Variants in ATP5MC2 observed in about 807,000 individuals in gnomAD.
The protein encoded by ATP5MC2 is ATP synthase F(0) complex subunit C2, mitochondrial.
ATP5MC2 carries 11 observed loss-of-function variants against 13.5 expected under a neutral mutation model. The ratio of observed to expected loss-of-function variants is 0.81; its 90% confidence interval spans 0.51 to 1.35. The LOEUF is 1.35. Ranked by LOEUF, ATP5MC2 falls within the 40% of genes most tolerant of loss-of-function variation. The probability of loss-of-function intolerance (pLI) is 0.00; values close to 1 mark genes in which losing one functional copy is unlikely to be tolerated. For missense variants in ATP5MC2, 132 were observed against 175.0 expected, an observed-to-expected ratio of 0.75 and a Z score of 1.39; for synonymous variants, 64 against 69.7, an observed-to-expected ratio of 0.92 and a Z score of 0.41.
chr12:53,678,841 C>A (rs1945323508), upstream of ATP5MC2, among the ~76,000 whole-genome samples: 1 of 152,038 alleles, frequency 6.6e-6, no homozygotes, highest in Non-Finnish European at 1.5e-5. Flanking sequence ...CCAATCAGTC[C>A]CTTTCTTTTC....
rs188131057 is a variant in ATP5MC2, at chr12:53,672,171, G to A, written c.39+405C>T. 3.8e-3 allele frequency among the ~76,000 whole-genome samples: 573 copies of A among 150,280 alleles called. 2 individuals are homozygous for A. The highest frequency in any genetic ancestry group is 0.01 in the Middle Eastern group (3 of 288). On this transcript the variant is annotated intron_variant, in intron 2 of 4. Coordinates refer to ENST00000394349, the MANE Select transcript of ATP5MC2 (RefSeq NM_005176.7). The stretch of plus-strand genomic sequence containing the variant: ...GCAAGCATTCACTCTATCCTGTTAC[G>A]CAATCATAGCAGAGGGCCTTCCCTC...
chr12:53,675,768 G>A (rs1323015302), intron 1 of ATP5MC2, among the ~76,000 whole-genome samples: 1 of 152,208 alleles, frequency 6.6e-6, no homozygotes, highest in Non-Finnish European at 1.5e-5. Flanking sequence ...AGTGTTTGCA[G>A]GGACTGGGTG....
At chr12:53,676,277 A>ACT (rs2120416605), upstream of ATP5MC2, 2 of 1,474,874 alleles carry the variant, frequency 1.4e-6, no homozygotes, top group Non-Finnish European at 1.8e-6. Context: ...GGGAGCGCCG[A>ACT]CTGCAGAAAT....
chr12:53,667,973 ATATATATATATATATATATATAAATT>A (rs1944976848), intron 4 of ATP5MC2, among the ~76,000 whole-genome samples: 1 of 50,990 alleles, frequency 2.0e-5, no homozygotes, highest in African/African-American at 1.1e-4. Flanking sequence ...ATATATATAT[ATATATATATATATATATATATAAATT>A]TTTTTTTTTT....
chr12:53,671,949 C>A (rs1182308586), intron 2 of ATP5MC2, among the ~76,000 whole-genome samples: 1 of 151,932 alleles, frequency 6.6e-6, no homozygotes. Context: ...CAAAAATTAG[C>A]TGGGTATGGT....
chr12:53,667,952 C>CATACACATATATATATAT, intron 4 of ATP5MC2, among the ~76,000 whole-genome samples: 1 of 110,774 alleles, frequency 9.0e-6, no homozygotes, highest in South Asian at 3.3e-4. Context: ...CATACATACA[C>CATACACATATATATATAT]ACACATATAT....
At position 53,667,954 on chromosome 12, in the gene ATP5MC2, C is replaced by CACATATAT. The variant is rs1328204668; in HGVS notation, c.311+1186_311+1193dup. ...ATTCTAATACATACATACATACACA[C>CACATATAT]ACATATATATATATATATATATATA... On this transcript the variant is annotated intron_variant, in intron 4 of 4. Coordinates refer to ENST00000394349, the MANE Select transcript of ATP5MC2 (RefSeq NM_005176.7). 8.2e-4 allele frequency among the ~76,000 whole-genome samples: 22 copies of CACATATAT among 26,966 alleles called. 1 individual carries two copies. Among genetic ancestry groups the CACATATAT allele is most frequent in the Admixed American group, 1.7e-3 (3 of 1,760 alleles). The allele number at this position is 26,966 out of a possible 152,430, so 17.7% of individuals were successfully genotyped here. A position where few individuals can be genotyped will look rare whatever the true frequency, so the allele number is the denominator to read the frequency against.
chr12:53,676,084 C>T, upstream of ATP5MC2: 2 of 1,614,224 alleles, frequency 1.2e-6, no homozygotes, highest in South Asian at 1.1e-5. Context: ...CAGAGAGGGG[C>T]GGAGCAGCGG....
intron 1 of ATP5MC2, chr12:53,672,860 G>A: frequency 1.9e-6 from 1 of 532,742 alleles, no homozygotes; most frequent in South Asian, 2.2e-5. Flanking sequence ...ACTTCCCCTG[G>A]TCTGAACAAG....
upstream of ATP5MC2, chr12:53,676,675 T>C (rs555991004): frequency 3.2e-4 from 56 of 175,778 alleles, no homozygotes; most frequent in African/African-American, 1.3e-3. Flanking sequence ...AGCCAGAAGA[T>C]AGGGTTAAAT....
At chr12:53,670,476 G>A (rs1257796941) in intron 2 of ATP5MC2, among the ~76,000 whole-genome samples, 1 of 152,200 alleles carries the variant, frequency 6.6e-6, no homozygotes, top group East Asian at 1.9e-4. Context: ...GTACACCGTA[G>A]AGTACTGGTT....
rs759392711 is a variant in ATP5MC2 at position 53,669,142 on chromosome 12, T to A, written c.311+6A>T. 6.2e-7 allele frequency: 1 copy of A among 1,601,628 alleles called. No individual in the cohort carries two copies. The highest frequency in any genetic ancestry group is 8.5e-7 in the Non-Finnish European group (1 of 1,173,668). ...GATAACCAGTGGAGGGTCCAACTTA[T>A]CTTACCTGGCATAACCAATGATGAG... On this transcript the variant is annotated splice_donor_region_variant and intron_variant, in intron 4 of 4. Coordinates refer to ENST00000394349, the MANE Select transcript of ATP5MC2 (RefSeq NM_005176.7).
In ATP5MC2 at chr12:53,665,404, G is replaced by C; in HGVS notation, c.336C>G (p.Leu112=). The C allele has an allele frequency of 1.2e-6, 2 of 1,614,202 alleles. No homozygotes were observed. The highest frequency in any genetic ancestry group is 1.7e-6 in the Non-Finnish European group (2 of 1,180,024). ...CAAAGCCCAGAATGGCGTAGGAGAAGAGCTGTTGCTTCAGAGAAGGGTTCC... is the reference window on the plus strand; with the variant it reads ...CAAAGCCCAGAATGGCGTAGGAGAACAGCTGTTGCTTCAGAGAAGGGTTCC... ...YARNPSLKQQ[L]FSYAILGFAL... is the part of the protein sequence containing the mutation. The change falls in exon 5 of 5, where the codon CTC becomes CTG. Residue 112 remains leucine, a synonymous_variant. Transcript: ENST00000394349.
intron 2 of ATP5MC2, among the ~76,000 whole-genome samples, chr12:53,672,104 A>AAAAAAAAAAAAAC (rs1945115519): frequency 6.6e-6 from 1 of 150,898 alleles, no homozygotes; most frequent in East Asian, 1.9e-4. Flanking sequence ...AAAAAAAAAA[A>AAAAAAAAAAAAAC]ATTAACTGGC....
At chr12:53,668,362 T>C (rs1483766682) in intron 4 of ATP5MC2, among the ~76,000 whole-genome samples, 2 of 151,284 alleles carry the variant, frequency 1.3e-5, no homozygotes, top group Admixed American at 6.6e-5. Flanking sequence ...AGTGGCATGA[T>C]CTCGGCTCAC....
upstream of ATP5MC2, chr12:53,676,390 G>A (rs148760549): frequency 8.5e-6 from 6 of 703,810 alleles, no homozygotes; most frequent in African/African-American, 5.5e-5. Context: ...AGCATGCGCA[G>A]TCGTCACACT....
intron 2 of ATP5MC2, among the ~76,000 whole-genome samples, chr12:53,670,542 G>A (rs1157367307): frequency 3.9e-5 from 6 of 152,150 alleles, no homozygotes; most frequent in Admixed American, 3.3e-4. Context: ...GCTGAGTATT[G>A]CAACAGAGTA....
At chr12:53,679,684 GCTT>G (rs1945330745), upstream of ATP5MC2, among the ~76,000 whole-genome samples, 1 of 152,186 alleles carries the variant, frequency 6.6e-6, no homozygotes, top group Admixed American at 6.5e-5. Context: ...TACATATTGA[GCTT>G]CTCTATTTAT....
At chr12:53,679,251 G>C (rs2120432863), upstream of ATP5MC2, among the ~76,000 whole-genome samples, 1 of 150,242 alleles carries the variant, frequency 6.7e-6, no homozygotes, top group Middle Eastern at 3.4e-3. Context: ...GAGAGAGAGA[G>C]AGAGAGAGAG....
Sources: gnomAD v4.1 joint callset for allele counts (sites outside exome capture counted in the v4.1 genomes callset) on GRCh38, gnomAD v4.1.1 for gene constraint, MANE v1.5 for transcripts, NCBI Gene and HGNC (gene_info 2026-07-23, HGNC 2026-07-21) for gene names.